The following MRLN variants were observed in gnomAD, a reference collection of about 807,000 sequenced individuals.
MRLN encodes Linc-RNA activator of myogenesis.
chr10:59,751,663 C>T, intron 1 of MRLN, among the ~76,000 whole-genome samples: 1 of 69,944 alleles, frequency 1.4e-5, no homozygotes, highest in African/African-American at 6.0e-5. Flanking sequence ...GAGTAAGACT[C>T]TGTCTCAAAA....
chr10:59,748,815 C>A (rs1361265730), intron 1 of MRLN, among the ~76,000 whole-genome samples: 1 of 152,182 alleles, frequency 6.6e-6, no homozygotes, highest in African/African-American at 2.4e-5. Context: ...GAGAGTCTAC[C>A]TTCATCACCC....
rs1430488033 is a variant in MRLN, at chr10:59,750,307, G to A, written c.-125+3047C>T. Among the ~76,000 whole-genome samples the A allele has an allele frequency of 2.6e-5, 4 of 152,124 alleles. No homozygotes were observed. The South Asian group carries it at 8.3e-4, about 32-fold the overall frequency. On this transcript the variant is annotated intron_variant, in intron 1 of 2. Coordinates refer to ENST00000414264, the MANE Select transcript of MRLN (RefSeq NM_001304731.2). ...GCTGGTGTTGAACTCCTGACCTCAGGTGATCCATCCTCCTTGGCCTCCCAA... is the reference window on the plus strand; with the variant it reads ...GCTGGTGTTGAACTCCTGACCTCAGATGATCCATCCTCCTTGGCCTCCCAA...
intron 1 of MRLN, among the ~76,000 whole-genome samples, chr10:59,751,715 AC>A (rs1209908941): frequency 6.6e-6 from 1 of 151,596 alleles, no homozygotes; most frequent in Non-Finnish European, 1.5e-5. Context: ...GGAGTACTGA[AC>A]CATGAGTAAG....
intron 1 of MRLN, among the ~76,000 whole-genome samples, chr10:59,741,097 C>T (rs990407696): frequency 6.6e-6 from 1 of 152,052 alleles, no homozygotes; most frequent in Non-Finnish European, 1.5e-5. Flanking sequence ...CAGTCCCAGC[C>T]TATTTCTTTA....
At chr10:59,739,257 G>T (rs1840956417) in intron 1 of MRLN, 1 of 152,140 alleles carries the variant, frequency 6.6e-6, no homozygotes, top group South Asian at 2.1e-4. Context: ...TCATGAGATT[G>T]TGTGCCTATT....
At chr10:59,750,807 G>A (rs1841095221) in intron 1 of MRLN, among the ~76,000 whole-genome samples, 2 of 152,246 alleles carry the variant, frequency 1.3e-5, no homozygotes, top group South Asian at 4.1e-4. Context: ...CAACGCAGCG[G>A]TGCCAGCAGA....
intron 1 of MRLN, among the ~76,000 whole-genome samples, chr10:59,743,336 T>A (rs1300668079): frequency 1.3e-5 from 2 of 152,154 alleles, no homozygotes; most frequent in African/African-American, 4.8e-5. Flanking sequence ...TCTGATATAT[T>A]TCAAAGTAAT....
intron 2 of MRLN, chr10:59,738,084 C>T (rs545672387): frequency 6.6e-6 from 1 of 152,236 alleles, no homozygotes; most frequent in Non-Finnish European, 1.5e-5. Flanking sequence ...AGTACTCTGC[C>T]AGTGTTGTCT....
intron 1 of MRLN, among the ~76,000 whole-genome samples, chr10:59,743,972 T>G (rs1841012464): frequency 6.6e-6 from 1 of 152,336 alleles, no homozygotes; most frequent in African/African-American, 2.4e-5. Flanking sequence ...GTGCTCAATG[T>G]TGCCCAGGCT....
At chr10:59,751,370 G>A (rs2132596914) in intron 1 of MRLN, among the ~76,000 whole-genome samples, 1 of 152,170 alleles carries the variant, frequency 6.6e-6, no homozygotes, top group South Asian at 2.1e-4. Context: ...TTACTTAGAA[G>A]GTGATACTTG....
intron 1 of MRLN, chr10:59,744,352 G>A (rs894330936): frequency 1.1e-4 from 17 of 154,298 alleles, no homozygotes; most frequent in Admixed American, 6.6e-4. Flanking sequence ...CTGCCCCGCC[G>A]CCACCCGTCT....
At chr10:59,737,279 A>C (rs1268804078) in intron 2 of MRLN, 59 bp from the exon 3 acceptor site, 3 of 385,056 alleles carry the variant, frequency 7.8e-6, no homozygotes, top group African/African-American at 6.2e-5. Flanking sequence ...GATTCTTTCA[A>C]CTCAATCTAA....
At chr10:59,740,530 T>A (rs943892565) in intron 1 of MRLN, among the ~76,000 whole-genome samples, 3 of 152,078 alleles carry the variant, frequency 2.0e-5, no homozygotes, top group African/African-American at 7.2e-5. Flanking sequence ...ATCCTGGCCC[T>A]GTGCAGACCT....
intron 1 of MRLN, among the ~76,000 whole-genome samples, chr10:59,741,486 G>A (rs1184184735): frequency 2.6e-5 from 4 of 152,042 alleles, no homozygotes; most frequent in African/African-American, 7.2e-5. Context: ...AGGCTCAAGC[G>A]ATGCTCCCAC....
intron 1 of MRLN, chr10:59,739,695 A>G (rs1840961015): frequency 6.6e-6 from 1 of 152,244 alleles, no homozygotes; most frequent in Non-Finnish European, 1.5e-5. Context: ...ATTTATTACA[A>G]AAGACAAGGC....
chr10:59,744,016 C>T lies in MRLN; in HGVS notation c.-124-5454G>A, dbSNP rs545733665. ...GTGGCGTGATCTCGGCTCGCTACAA[C>T]CGCCACCTCCCAGCCGCCTGCCTTG... On this transcript the variant is annotated intron_variant, in intron 1 of 2. Transcript: ENST00000414264. 2.0e-3 allele frequency among the ~76,000 whole-genome samples: 298 copies of T among 152,256 alleles called. 2 individuals are homozygous for T. Among genetic ancestry groups the T allele is most frequent in the South Asian group, 0.013 (61 of 4,828 alleles).
At chr10:59,748,349 C>T (rs920819202) in intron 1 of MRLN, among the ~76,000 whole-genome samples, 1 of 152,114 alleles carries the variant, frequency 6.6e-6, no homozygotes, top group Non-Finnish European at 1.5e-5. Context: ...TTTCTGAGCT[C>T]ATTAAGGTCC....
intron 1 of MRLN, among the ~76,000 whole-genome samples, chr10:59,748,086 CTTTTGTT>C (rs1841060691): frequency 7.1e-6 from 1 of 140,684 alleles, no homozygotes; most frequent in South Asian, 2.3e-4. Flanking sequence ...AATGCTTTTT[CTTTTGTT>C]TTTTTTTTTT....
intron 1 of MRLN, among the ~76,000 whole-genome samples, chr10:59,744,529 G>GGGGC (rs1564726353): frequency 1.5e-4 from 23 of 148,664 alleles, no homozygotes; most frequent in African/African-American, 5.0e-4. Flanking sequence ...TCTGGGAGGT[G>GGGGC]GGGGAGCGCG....
Sources: allele counts gnomAD v4.1 joint callset (sites outside exome capture counted in the v4.1 genomes callset), GRCh38; gene constraint gnomAD v4.1.1; transcripts MANE v1.5; gene names NCBI Gene and HGNC (gene_info 2026-07-23, HGNC 2026-07-21).